Variants in TTC12 observed in about 807,000 individuals in gnomAD.
TTC12 encodes the protein tetratricopeptide repeat domain 12, also known as tetratricopeptide repeat protein 12.
A neutral mutation model predicts 90.1 loss-of-function variants in TTC12; 70 were observed. That is an observed-to-expected ratio of 0.78 (90% CI 0.64 to 0.95). TTC12 has a LOEUF of 0.95. Among genes scored for constraint, TTC12 ranks in the 40% least tolerant of loss-of-function variants. The pLI, the probability that TTC12 is intolerant of heterozygous loss-of-function variation, is 0.00. For synonymous variants in TTC12, 296 were observed against 311.5 expected, an observed-to-expected ratio of 0.95 and a Z score of 0.53; for missense variants, 819 against 846.1, an observed-to-expected ratio of 0.97 and a Z score of 0.40.
intron 7 of TTC12, among the ~76,000 whole-genome samples, chr11:113,331,805 C>T (rs549752710): frequency 4.8e-4 from 73 of 152,322 alleles, no homozygotes; most frequent in Admixed American, 1.2e-3. Context: ...AAAACACTGA[C>T]ACTCAGCAGC....
intron 7 of TTC12, among the ~76,000 whole-genome samples, chr11:113,334,220 T>G (rs1429944239): frequency 1.3e-5 from 2 of 152,248 alleles, no homozygotes; most frequent in Non-Finnish European, 2.9e-5. Context: ...GTTCAATAAA[T>G]GTTCATCAAC....
downstream of TTC12, chr11:113,368,435 A>G: frequency 6.4e-7 from 1 of 1,550,390 alleles, no homozygotes; most frequent in Non-Finnish European, 8.7e-7. Flanking sequence ...GAGCCCCGAC[A>G]CCACCCTTGG....
chr11:113,368,264 A>G (rs867707149), downstream of TTC12: 9 of 1,528,546 alleles, frequency 5.9e-6, no homozygotes, highest in African/African-American at 8.2e-5. Context: ...CGCAGGTGGG[A>G]AGAGATGTTT....
chr11:113,324,312 T>C (rs971656107), intron 4 of TTC12: 2 of 542,572 alleles, frequency 3.7e-6, no homozygotes, highest in African/African-American at 1.9e-5. Context: ...AAGCTCATTA[T>C]GCTAAACGGA....
Position 113,359,464 on chromosome 11 carries a change from A to T in TTC12, c.1545+3A>T. On this transcript the variant is annotated splice_donor_region_variant and intron_variant, in intron 17 of 21. Transcript: ENST00000529221. ...TTCAGGCTCCCTTTGTCTCTGAGGTATGGCATTCTTGTCTCCCTGCCTGGA... is the reference window on the plus strand; with the variant it reads ...TTCAGGCTCCCTTTGTCTCTGAGGTTTGGCATTCTTGTCTCCCTGCCTGGA... The T allele has an allele frequency of 6.2e-7, 1 of 1,606,196 alleles. No individual in the cohort carries two copies. Among genetic ancestry groups the T allele is most frequent in the Non-Finnish European group, 8.5e-7 (1 of 1,173,026 alleles).
chr11:113,363,920 G>A lies in TTC12; in HGVS notation c.1809G>A (p.Leu603=), dbSNP rs773857765. The A allele has an allele frequency of 4.3e-6, 7 of 1,609,934 alleles. No individual in the cohort carries two copies. Among genetic ancestry groups the A allele is most frequent in the Admixed American group, 3.3e-5 (2 of 59,974 alleles). ...AAGCTCGGGAAGAAGTAATAAGACT[G>A]GATAAAAGTAAGTGATGATTTCCTT... ...YHEAREEVIR[L]DKKLSVMMKL... is the part of the protein sequence containing the mutation. The change falls in exon 20 of 22, where the codon CTG becomes CTA. Residue 603 remains leucine (L), a synonymous_variant. Coordinates refer to ENST00000529221, the MANE Select transcript of TTC12 (RefSeq NM_017868.4).
chr11:113,368,665 G>C, downstream of TTC12: 2 of 662,448 alleles, frequency 3.0e-6, no homozygotes, highest in Non-Finnish European at 5.4e-6. Flanking sequence ...CTGAGGTTCA[G>C]AGTTGAGAGG....
chr11:113,331,274 G>T (rs561396673), intron 7 of TTC12, among the ~76,000 whole-genome samples: 26 of 152,300 alleles, frequency 1.7e-4, no homozygotes, highest in African/African-American at 6.3e-4. Context: ...AACCTGCTTT[G>T]TCGCCTTGCT....
intron 7 of TTC12, among the ~76,000 whole-genome samples, chr11:113,333,028 C>T (rs2137964282): frequency 6.6e-6 from 1 of 152,268 alleles, no homozygotes; most frequent in East Asian, 1.9e-4. Flanking sequence ...AGTGATTGTT[C>T]TGGTCTCCTT....
Position 113,338,805 on chromosome 11 carries a change from TA to T in TTC12, c.611del (p.Asn204ThrfsTer8), listed in dbSNP as rs1230501115. On this transcript the variant is annotated frameshift_variant, in exon 9 of 22. Transcript: ENST00000529221. LOFTEE classifies it high-confidence loss of function. ...GAGTGTTATAAGAAGATCTTAGAAA[TA>T]AACCCCAAGCTGCAAACCCAGGTGA... ...SRECYKKILE[I>X]NPKLQTQVKG... is the part of the protein sequence containing the mutation. 2 of 1,613,932 alleles carry T rather than the reference TA, an allele frequency of 1.2e-6. No individual in the cohort carries two copies. Among genetic ancestry groups the T allele is most frequent in the Non-Finnish European group, 1.7e-6 (2 of 1,179,946 alleles).
At chr11:113,344,111 G>A (rs1314924974) in intron 12 of TTC12, among the ~76,000 whole-genome samples, 161 bp from the exon 13 acceptor site, 3 of 152,136 alleles carry the variant, frequency 2.0e-5, no homozygotes, top group Non-Finnish European at 4.4e-5. Flanking sequence ...CTGGGCATTC[G>A]GACCCAGCAG....
chr11:113,333,440 G>A (rs1411441855), intron 7 of TTC12, among the ~76,000 whole-genome samples: 2 of 151,844 alleles, frequency 1.3e-5, no homozygotes, highest in African/African-American at 4.9e-5. Context: ...AGCATTTTCT[G>A]TAGCATTTAT....
At chr11:113,319,141 T>G (rs1490632538) in intron 2 of TTC12, among the ~76,000 whole-genome samples, 1 of 152,210 alleles carries the variant, frequency 6.6e-6, no homozygotes, top group Non-Finnish European at 1.5e-5. Context: ...ACTGATGGCA[T>G]GCATCCCTGA....
intron 2 of TTC12, among the ~76,000 whole-genome samples, chr11:113,318,908 T>C (rs1947119901): frequency 6.6e-6 from 1 of 152,134 alleles, no homozygotes; most frequent in African/African-American, 2.4e-5. Flanking sequence ...TGGTAAGGAA[T>C]TTGTGTTTAC....
At chr11:113,357,739 C>G (rs1555152998) in intron 16 of TTC12, among the ~76,000 whole-genome samples, 2 of 152,236 alleles carry the variant, frequency 1.3e-5, no homozygotes, top group Non-Finnish European at 2.9e-5. Flanking sequence ...TGCTCTAACT[C>G]TGAGGGACTT....
At chr11:113,335,326 C>G (rs1555143730) in intron 8 of TTC12, among the ~76,000 whole-genome samples, 1 of 152,160 alleles carries the variant, frequency 6.6e-6, no homozygotes, top group East Asian at 1.9e-4. Context: ...GTAACCTCAT[C>G]ACCCAAAAGT....
intron 2 of TTC12, among the ~76,000 whole-genome samples, chr11:113,321,354 T>G (rs1259860422): frequency 6.6e-6 from 1 of 152,136 alleles, no homozygotes; most frequent in Non-Finnish European, 1.5e-5. Flanking sequence ...CAAGGAAATA[T>G]GTACATACAG....
intron 13 of TTC12, among the ~76,000 whole-genome samples, chr11:113,346,099 G>A (rs1179660867): frequency 8.5e-5 from 13 of 152,158 alleles, no homozygotes; most frequent in African/African-American, 2.7e-4. Flanking sequence ...GGCAGCACAC[G>A]TATCACATTC....
At chr11:113,354,124 A>C (rs541498417) in intron 16 of TTC12, among the ~76,000 whole-genome samples, 41 of 152,182 alleles carry the variant, frequency 2.7e-4, no homozygotes, top group African/African-American at 8.9e-4. Context: ...TGTTTGTGTT[A>C]TCTCTGATTT....
Sources: gnomAD v4.1 joint callset for allele counts (sites outside exome capture counted in the v4.1 genomes callset) on GRCh38, gnomAD v4.1.1 for gene constraint, MANE v1.5 for transcripts, NCBI Gene and HGNC (gene_info 2026-07-23, HGNC 2026-07-21) for gene names.